The following GPC3 variants were observed in gnomAD, a reference collection of about 807,000 sequenced individuals.
The protein encoded by GPC3 is glypican 3.
Under a neutral mutation model 34.4 loss-of-function variants are expected in GPC3, and 3 were observed. The ratio of observed to expected loss-of-function variants is 0.09; its 90% confidence interval spans 0.04 to 0.23. GPC3 has a LOEUF of 0.23. Among genes scored for constraint, GPC3 ranks in the 10% least tolerant of loss-of-function variants. GPC3 has a pLI of 1.00. For missense variants in GPC3, 351 were observed against 445.6 expected, an observed-to-expected ratio of 0.79 and a Z score of 1.91; for synonymous variants, 177 against 174.0, an observed-to-expected ratio of 1.02 and a Z score of -0.13.
intron 2 of GPC3, among the ~76,000 whole-genome samples, chrX:133,859,155 G>T (rs1292444876): frequency 9.1e-6 from 1 of 110,118 alleles, no homozygotes; most frequent in Non-Finnish European, 1.9e-5. Context: ...TATATTATCT[G>T]TCTCAGAGAT....
rs186955906 is a variant in GPC3 at position 133,694,231 on chromosome X, T to C, written c.1167-1737A>G. Among the ~76,000 whole-genome samples the C allele has an allele frequency of 2.7e-5, 3 of 110,996 alleles. No homozygotes were observed. The East Asian group carries it at 8.6e-4, about 32-fold the overall frequency. On this transcript the variant is annotated intron_variant, in intron 4 of 7. Transcript: ENST00000370818. ...GGAGAGAAAGGGCTCTCAGCATAGA[T>C]TCACAAAGGCTTGGGTCACTGCAAA...
chrX:133,885,498 T>A (rs2076058101), intron 2 of GPC3, among the ~76,000 whole-genome samples: 1 of 111,471 alleles, frequency 9.0e-6, no homozygotes, highest in African/African-American at 3.3e-5. Flanking sequence ...ACCAATAGAA[T>A]CCAAATAAGT....
At chrX:133,920,665 C>T (rs1459971782) in intron 2 of GPC3, among the ~76,000 whole-genome samples, 2 of 111,783 alleles carry the variant, frequency 1.8e-5, no homozygotes, top group Non-Finnish European at 3.8e-5. Flanking sequence ...TAATCCCTAT[C>T]CCAATCCTAT....
intron 2 of GPC3, among the ~76,000 whole-genome samples, chrX:133,921,752 T>C (rs1287856444): frequency 8.9e-6 from 1 of 112,429 alleles, no homozygotes; most frequent in Non-Finnish European, 1.9e-5. Context: ...ATGGCAAATA[T>C]GCTTTCTTTC....
At chrX:133,877,215 G>A (rs747445322) in intron 2 of GPC3, among the ~76,000 whole-genome samples, 3 of 111,592 alleles carry the variant, frequency 2.7e-5, no homozygotes, top group South Asian at 7.5e-4. Context: ...ATTAGAGTTT[G>A]TAATAATAAT....
At chrX:133,763,124 A>G (rs2071812117) in intron 2 of GPC3, 1 of 706,273 alleles carries the variant, frequency 1.4e-6, no homozygotes, top group Non-Finnish European at 2.2e-6. Flanking sequence ...ATCTTCACTA[A>G]CCAGATCCAG....
intron 4 of GPC3, among the ~76,000 whole-genome samples, chrX:133,698,108 G>T (rs1180432248): frequency 8.9e-6 from 1 of 112,029 alleles, no homozygotes; most frequent in African/African-American, 3.2e-5. Context: ...GAAAAATATT[G>T]TTCATGTACT....
At position 133,812,249 on chromosome X, in the gene GPC3, C is replaced by T. The variant is rs952167879; in HGVS notation, c.338-58073G>A. Among the ~76,000 whole-genome samples the T allele has an allele frequency of 2.7e-5, 3 of 112,020 alleles. No homozygotes were observed. In the East Asian group the frequency reaches 8.4e-4, roughly 31 times the overall value. ...ATTTAAATACTCTGGTGAAGAGGTG[C>T]CTGACAGACAGATCTAGTCTCAAAA... On this transcript the variant is annotated intron_variant, in intron 2 of 7. Coordinates refer to ENST00000370818, the MANE Select transcript of GPC3 (RefSeq NM_004484.4).
chrX:133,935,056 A>T (rs1219352840), intron 2 of GPC3, among the ~76,000 whole-genome samples: 3 of 111,850 alleles, frequency 2.7e-5, no homozygotes, highest in Non-Finnish European at 3.8e-5. Flanking sequence ...GCCATGACTC[A>T]ACTTAAACAT....
chrX:133,642,188 G>T (rs1402134053), intron 6 of GPC3, among the ~76,000 whole-genome samples: 1 of 111,654 alleles, frequency 9.0e-6, no homozygotes, highest in East Asian at 2.8e-4. Context: ...ATTGAAAGCT[G>T]AACTTGTGAA....
chrX:133,643,920 C>T (rs914725513), intron 6 of GPC3, among the ~76,000 whole-genome samples: 6 of 107,365 alleles, frequency 5.6e-5, no homozygotes, highest in Admixed American at 3.0e-4. Flanking sequence ...CTCTGCCTTC[C>T]GGTTTCAAGC....
At chrX:133,809,409 G>A (rs1455882062) in intron 2 of GPC3, among the ~76,000 whole-genome samples, 1 of 111,380 alleles carries the variant, frequency 9.0e-6, no homozygotes, top group African/African-American at 3.3e-5. Context: ...GACCCACTAG[G>A]AAGAAGAAAA....
At chrX:133,630,519 T>C (rs778024813) in intron 6 of GPC3, among the ~76,000 whole-genome samples, 25 of 112,095 alleles carry the variant, frequency 2.2e-4, no homozygotes, top group Non-Finnish European at 1.3e-4. Flanking sequence ...CTGTCTGTAC[T>C]GGAATGACTG....
intron 6 of GPC3, among the ~76,000 whole-genome samples, chrX:133,622,080 A>C (rs1317280501): frequency 8.9e-6 from 1 of 112,356 alleles, no homozygotes; most frequent in Non-Finnish European, 1.9e-5. Context: ...ACAGACCTGC[A>C]GCTGAGGTTT....
chrX:133,881,350 G>C (rs758320337), intron 2 of GPC3, among the ~76,000 whole-genome samples: 2 of 111,963 alleles, frequency 1.8e-5, no homozygotes, highest in South Asian at 7.6e-4. Flanking sequence ...TGCTCTAATT[G>C]ACTGAGTACT....
intron 2 of GPC3, among the ~76,000 whole-genome samples, chrX:133,890,247 T>C (rs150638932): frequency 1.1e-3 from 125 of 111,734 alleles, no homozygotes; most frequent in African/African-American, 3.9e-3. Context: ...ATAATGAAAC[T>C]AATCTCTTAA....
chrX:133,642,547 G>A (rs779527514), intron 6 of GPC3, among the ~76,000 whole-genome samples: 72 of 110,476 alleles, frequency 6.5e-4, no homozygotes, highest in Middle Eastern at 4.6e-3. Context: ...TGAGGTGGGC[G>A]GATCACCTGA....
At position 133,772,186 on chromosome X, in the gene GPC3, G is replaced by A. The variant is rs781745105; in HGVS notation, c.338-18010C>T. Among the ~76,000 whole-genome samples the A allele has an allele frequency of 2.7e-5, 3 of 111,996 alleles. No homozygotes were observed. In the East Asian group the frequency reaches 8.4e-4, roughly 31 times the overall value. On this transcript the variant is annotated intron_variant, in intron 2 of 7. Transcript: ENST00000370818. ...GTTTGCCTGCCATCGCTCAATGCTT[G>A]TTAGAGTAAAACTACAATGGTATAC...
intron 3 of GPC3, among the ~76,000 whole-genome samples, chrX:133,700,709 TC>T (rs1261837752): frequency 9.1e-6 from 1 of 110,112 alleles, no homozygotes; most frequent in Non-Finnish European, 1.9e-5. Context: ...AGACCCAGTC[TC>T]TGCAAAAAAT....
Sources: allele counts gnomAD v4.1 joint callset (sites outside exome capture counted in the v4.1 genomes callset), GRCh38; gene constraint gnomAD v4.1.1; transcripts MANE v1.5; gene names NCBI Gene and HGNC (gene_info 2026-07-23, HGNC 2026-07-21).